Variants in MKLN1 observed in about 807,000 individuals in gnomAD.
The protein encoded by MKLN1 is muskelin.
MKLN1 carries 18 observed loss-of-function variants against 99.0 expected under a neutral mutation model. The ratio of observed to expected loss-of-function variants is 0.18; its 90% CI spans 0.13 to 0.27. The LOEUF (loss-of-function observed/expected upper bound fraction) is 0.27, where lower values mean the gene tolerates loss of function less well. Among genes scored for constraint, MKLN1 ranks in the 10% least tolerant of loss-of-function variants. The probability of loss-of-function intolerance (pLI) is 1.00; values close to 1 mark genes in which losing one functional copy is unlikely to be tolerated. For synonymous variants in MKLN1, 288 were observed against 293.2 expected, an observed-to-expected ratio of 0.98 and a Z score of 0.18; for missense variants, 621 against 875.9, an observed-to-expected ratio of 0.71 and a Z score of 3.67.
intron 3 of MKLN1, among the ~76,000 whole-genome samples, chr7:131,223,719 T>C (rs1377952953): frequency 2.6e-5 from 4 of 152,216 alleles, no homozygotes; most frequent in Non-Finnish European, 4.4e-5. Context: ...AGCTGATCAC[T>C]TCTGAGTTAC....
At chr7:131,367,389 TTTA>T (rs1800212788) in intron 1 of MKLN1, among the ~76,000 whole-genome samples, 1 of 152,220 alleles carries the variant, frequency 6.6e-6, no homozygotes, top group South Asian at 2.1e-4. Context: ...TTGGCAAATC[TTTA>T]TTATTTGACT....
At chr7:131,366,922 A>T (rs1429051482) in intron 1 of MKLN1, among the ~76,000 whole-genome samples, 1 of 152,252 alleles carries the variant, frequency 6.6e-6, no homozygotes, top group Non-Finnish European at 1.5e-5. Context: ...TAAAACCTAA[A>T]ATGTCAAATA....
intron 1 of MKLN1, among the ~76,000 whole-genome samples, chr7:131,142,053 G>C (rs1400889323): frequency 1.3e-5 from 2 of 152,064 alleles, no homozygotes; most frequent in Non-Finnish European, 2.9e-5. Context: ...AGGGCAGCAG[G>C]GTTGCTGCAG....
At chr7:131,463,092 T>G (rs1363171832) in intron 12 of MKLN1, 125 bp from the exon 13 acceptor site, 2 of 805,138 alleles carry the variant, frequency 2.5e-6, no homozygotes, top group African/African-American at 3.5e-5. Context: ...TCACTGCACT[T>G]CAGCTTGGGC....
Position 131,388,966 on chromosome 7 carries a change from A to G in MKLN1, c.394A>G (p.Lys132Glu). 3 of 1,595,974 alleles carry G rather than the reference A, an allele frequency of 1.9e-6. No homozygotes were observed. Among genetic ancestry groups the G allele is most frequent in the Non-Finnish European group, 2.6e-6 (3 of 1,167,432 alleles). ...ACAGATGTTCCCTTGTCGATTCATT[A>G]AAATAGGTAAGATTTTAGCATTCTG... ...DEQMFPCRFI[K>E]IVPLLSWGPS... Residue 132 changes from lysine to glutamate, a missense_variant, in exon 4 of 18, where the codon AAA becomes GAA. This residue lies in a region of MKLN1 where 361 missense variants were observed against 540.8 expected (regional missense o/e 0.67). Coordinates refer to ENST00000352689, the MANE Select transcript of MKLN1 (RefSeq NM_013255.5).
At chr7:131,418,226 G>A (rs1429995430) in intron 8 of MKLN1, among the ~76,000 whole-genome samples, 3 of 151,946 alleles carry the variant, frequency 2.0e-5, no homozygotes, top group Admixed American at 6.6e-5. Flanking sequence ...AAAATTAGCC[G>A]GGCATGGTGG....
chr7:131,129,837 A>G (rs966503958), intron 1 of MKLN1, among the ~76,000 whole-genome samples: 1 of 152,186 alleles, frequency 6.6e-6, no homozygotes, highest in Non-Finnish European at 1.5e-5. Flanking sequence ...CGGCCTCCCA[A>G]AGTGCTGAGA....
upstream of MKLN1, chr7:131,323,635 G>T (rs182411914): frequency 6.6e-6 from 1 of 152,286 alleles, no homozygotes; most frequent in African/African-American, 2.4e-5. Flanking sequence ...TTTCTAAAAA[G>T]AGTGTTCAGG....
chr7:131,181,860 A>G (rs768538283), intron 2 of MKLN1, among the ~76,000 whole-genome samples: 1 of 152,080 alleles, frequency 6.6e-6, no homozygotes, highest in Non-Finnish European at 1.5e-5. Flanking sequence ...AGATTTCACC[A>G]TATTGGTCAG....
At chr7:131,302,291 A>G (rs1377184459) in intron 3 of MKLN1, among the ~76,000 whole-genome samples, 1 of 152,194 alleles carries the variant, frequency 6.6e-6, no homozygotes, top group African/African-American at 2.4e-5. Flanking sequence ...GATGTTCACT[A>G]AATAAATGGA....
intron 1 of MKLN1, among the ~76,000 whole-genome samples, chr7:131,331,149 T>C (rs554062172): frequency 4.2e-4 from 64 of 152,332 alleles, no homozygotes; most frequent in African/African-American, 1.4e-3. Context: ...TACAGTTTTG[T>C]TTAATTCTTG....
intron 2 of MKLN1, among the ~76,000 whole-genome samples, chr7:131,188,159 T>C (rs1796480553): frequency 6.6e-6 from 1 of 152,216 alleles, no homozygotes; most frequent in African/African-American, 2.4e-5. Context: ...ATAAAGTGTG[T>C]GATAAACATG....
intron 1 of MKLN1, among the ~76,000 whole-genome samples, chr7:131,338,663 G>A (rs1398521531): frequency 6.6e-6 from 1 of 152,112 alleles, no homozygotes; most frequent in Non-Finnish European, 1.5e-5. Context: ...ATATCTTGTA[G>A]GCCTGTGAGT....
intron 2 of MKLN1, among the ~76,000 whole-genome samples, chr7:131,158,681 AT>A (rs1186679460): frequency 6.6e-6 from 1 of 151,994 alleles, no homozygotes; most frequent in African/African-American, 2.4e-5. Context: ...TCTGTATTTC[AT>A]TTTTCACTTT....
In MKLN1 at chr7:131,492,048, T is replaced by A. The variant is rs1310520572; in HGVS notation, c.*4320T>A. On this transcript the variant is annotated 3_prime_UTR_variant, in exon 18 of 18. Transcript: ENST00000352689. Reference sequence around the variant, plus strand: ...ATAAATGTACTTGAGTCATTTTCATTTGGGGATAGTAATAATGGCTGTGGC... The same window carrying A: ...ATAAATGTACTTGAGTCATTTTCATATGGGGATAGTAATAATGGCTGTGGC... 6.6e-6 allele frequency: 1 copy of A among 152,194 alleles called. No individual in the cohort carries two copies. The highest frequency in any genetic ancestry group is 2.4e-5 in the African/African-American group (1 of 41,456). The allele number at this position is 152,194 out of a possible 1,614,324, so 9.4% of individuals were successfully genotyped here.
At chr7:131,247,181 G>C (rs942442623) in intron 3 of MKLN1, among the ~76,000 whole-genome samples, 7 of 151,446 alleles carry the variant, frequency 4.6e-5, no homozygotes, top group Non-Finnish European at 8.8e-5. Context: ...ATGAAGCAGA[G>C]TTGGAAGATG....
At chr7:131,320,716 C>T (rs997156671) in intron 3 of MKLN1, among the ~76,000 whole-genome samples, 4 of 152,004 alleles carry the variant, frequency 2.6e-5, no homozygotes, top group Non-Finnish European at 5.9e-5. Flanking sequence ...CTACAAGGAA[C>T]TTAAACAAAT....
At chr7:131,297,309 C>T (rs548162369) in intron 3 of MKLN1, among the ~76,000 whole-genome samples, 46 of 151,964 alleles carry the variant, frequency 3.0e-4, no homozygotes, top group Non-Finnish European at 4.0e-4. Flanking sequence ...TGCAGTGAGC[C>T]GAGATAGCGC....
intron 1 of MKLN1, among the ~76,000 whole-genome samples, chr7:131,141,014 G>A (rs1795724498): frequency 6.6e-6 from 1 of 152,106 alleles, no homozygotes; most frequent in Non-Finnish European, 1.5e-5. Context: ...TCCATCTCCT[G>A]ATCTCGTGAT....
Sources: allele counts gnomAD v4.1 joint callset (sites outside exome capture counted in the v4.1 genomes callset), GRCh38; gene constraint gnomAD v4.1.1; regional missense constraint gnomAD v4.1.1; transcripts MANE v1.5; gene names NCBI Gene and HGNC (gene_info 2026-07-23, HGNC 2026-07-21).